The following DGKI variants were observed in gnomAD, a reference collection of about 807,000 sequenced individuals.
DGKI encodes DAG kinase iota.
A neutral mutation model predicts 147.5 loss-of-function variants in DGKI; 55 were observed. That is an observed-to-expected ratio of 0.37 (90% CI 0.30 to 0.47). The LOEUF (loss-of-function observed/expected upper bound fraction) is 0.47, where lower values mean the gene tolerates loss of function less well. DGKI is among the 20% of genes least tolerant of loss of function. The pLI, the probability that DGKI is intolerant of heterozygous loss-of-function variation, is 1.00. For synonymous variants in DGKI, 469 were observed against 477.1 expected, an observed-to-expected ratio of 0.98 and a Z score of 0.22; for missense variants, 1,007 against 1,323.8, an observed-to-expected ratio of 0.76 and a Z score of 3.71.
chr7:137,654,662 ATATC>A, intron 5 of DGKI, 66 bp downstream of exon 5: 1 of 1,113,974 alleles, frequency 9.0e-7, no homozygotes. Context: ...TCCCTGGTGA[ATATC>A]TATGAATCCA....
At chr7:137,639,827 T>A (rs889196391) in intron 6 of DGKI, among the ~76,000 whole-genome samples, 3 of 152,118 alleles carry the variant, frequency 2.0e-5, no homozygotes, top group Non-Finnish European at 4.4e-5. Context: ...GCCCCCATCC[T>A]CTTTTCTTTT....
At chr7:137,658,054 G>A (rs990242173) in intron 3 of DGKI, among the ~76,000 whole-genome samples, 1 of 152,090 alleles carries the variant, frequency 6.6e-6, no homozygotes, top group Admixed American at 6.5e-5. Context: ...GAAGAACATG[G>A]TGTAGCACAT....
chr7:137,650,400 A>G (rs1413077982), intron 5 of DGKI, among the ~76,000 whole-genome samples: 1 of 152,204 alleles, frequency 6.6e-6, no homozygotes, highest in East Asian at 1.9e-4. Flanking sequence ...AAAGAACAAG[A>G]CACTTTGATA....
chr7:137,697,183 C>T (rs145621757), intron 1 of DGKI, among the ~76,000 whole-genome samples: 1 of 152,200 alleles, frequency 6.6e-6, no homozygotes, highest in Admixed American at 6.5e-5. Context: ...AGCAAATACA[C>T]ATACTTCAAA....
intron 6 of DGKI, among the ~76,000 whole-genome samples, chr7:137,638,523 TATACAC>T (rs368089040): frequency 2.6e-5 from 3 of 114,140 alleles, no homozygotes; most frequent in African/African-American, 3.6e-5. Context: ...TGTGTATATA[TATACAC>T]ACACATATAT....
intron 7 of DGKI, among the ~76,000 whole-genome samples, chr7:137,621,578 C>A (rs1362735160): frequency 6.6e-6 from 1 of 152,180 alleles, no homozygotes; most frequent in African/African-American, 2.4e-5. Flanking sequence ...ATATCAACCG[C>A]TGTAATTTGT....
intron 1 of DGKI, among the ~76,000 whole-genome samples, chr7:137,720,684 G>T (rs1031250000): frequency 6.6e-6 from 1 of 152,004 alleles, no homozygotes; most frequent in Admixed American, 6.5e-5. Context: ...TATTATTATG[G>T]CTTAAATTTT....
intron 1 of DGKI, among the ~76,000 whole-genome samples, chr7:137,696,482 G>T (rs1239390971): frequency 8.6e-6 from 1 of 116,366 alleles, no homozygotes; most frequent in African/African-American, 3.5e-5. Flanking sequence ...TGTAAAAATG[G>T]CCTGGCAGCT....
rs1206273912 is a variant in DGKI, at chr7:137,388,935, C to A, written c.*2285G>T. On this transcript the variant is annotated 3_prime_UTR_variant, in exon 33 of 33. Coordinates refer to ENST00000614521, the MANE Select transcript of DGKI (RefSeq NM_001321708.2). ...AGAAATTGGCCCATAGCCACCTGTA[C>A]CCTAAATTTTCTCTGGGCTACTTGG... 1 of 151,866 alleles carries A rather than the reference C, an allele frequency of 6.6e-6. No homozygotes were observed. Among genetic ancestry groups the A allele is most frequent in the Non-Finnish European group, 1.5e-5 (1 of 67,982 alleles). 9.4% of individuals were successfully genotyped at this position (151,866 alleles called of 1,614,324 possible).
At chr7:137,416,758 C>A (rs887098039) in intron 28 of DGKI, among the ~76,000 whole-genome samples, 1 of 152,158 alleles carries the variant, frequency 6.6e-6, no homozygotes. Flanking sequence ...TACCCCATAT[C>A]GCTCCCAAGC....
chr7:137,665,514 T>C lies in DGKI; in HGVS notation c.607-8974A>G, dbSNP rs77115803. On this transcript the variant is annotated intron_variant, in intron 3 of 32. Coordinates refer to ENST00000614521, the MANE Select transcript of DGKI (RefSeq NM_001321708.2). ...TGCCTCTCGAGTACCGCAGGAAAAC[T>C]CACTTGATGCTCTTCGAACAGCGTG... Among the ~76,000 whole-genome samples, 32 of 152,270 alleles carry C rather than the reference T, an allele frequency of 2.1e-4. No individual in the cohort carries two copies. In the South Asian group the frequency reaches 6.0e-3, roughly 29 times the overall value.
chr7:137,835,738 C>T (rs1226217017), intron 1 of DGKI, among the ~76,000 whole-genome samples: 2 of 152,202 alleles, frequency 1.3e-5, no homozygotes, highest in East Asian at 1.9e-4. Flanking sequence ...GTGATTCCAA[C>T]TTTGTCCATT....
intron 1 of DGKI, among the ~76,000 whole-genome samples, chr7:137,827,520 T>A (rs1322239699): frequency 1.3e-5 from 2 of 152,170 alleles, no homozygotes; most frequent in Non-Finnish European, 2.9e-5. Context: ...TGTGTCCCCA[T>A]CTCCTCCTAT....
At chr7:137,486,765 C>T (rs1047518146) in intron 22 of DGKI, among the ~76,000 whole-genome samples, 2 of 152,058 alleles carry the variant, frequency 1.3e-5, no homozygotes, top group Non-Finnish European at 2.9e-5. Flanking sequence ...CAGTATGTGT[C>T]TACTTTATTT....
intron 2 of DGKI, among the ~76,000 whole-genome samples, chr7:137,689,603 C>T (rs921321387): frequency 6.6e-6 from 1 of 152,214 alleles, no homozygotes; most frequent in Non-Finnish European, 1.5e-5. Context: ...GTCAACTTGG[C>T]AGAAACCAAT....
intron 1 of DGKI, among the ~76,000 whole-genome samples, chr7:137,752,320 G>A (rs1033483864): frequency 6.6e-6 from 1 of 151,992 alleles, no homozygotes; most frequent in Non-Finnish European, 1.5e-5. Flanking sequence ...AGGGGGTCCT[G>A]GTTCACAAAC....
chr7:137,808,152 GA>G (rs1797440239), intron 1 of DGKI, among the ~76,000 whole-genome samples: 1 of 152,130 alleles, frequency 6.6e-6, no homozygotes, highest in Non-Finnish European at 1.5e-5. Context: ...CAACGTAGTA[GA>G]TAATCTCCAC....
At chr7:137,739,662 A>G (rs1208842569) in intron 1 of DGKI, among the ~76,000 whole-genome samples, 1 of 152,170 alleles carries the variant, frequency 6.6e-6, no homozygotes, top group Admixed American at 6.5e-5. Context: ...AGAATGGCCA[A>G]TGACAGAGTA....
intron 1 of DGKI, among the ~76,000 whole-genome samples, chr7:137,724,108 AAG>A (rs1794651688): frequency 1.3e-5 from 2 of 152,168 alleles, no homozygotes; most frequent in Admixed American, 1.3e-4. Context: ...TATTTGGTAG[AAG>A]AACATTCCAG....
Sources: allele counts gnomAD v4.1 joint callset (sites outside exome capture counted in the v4.1 genomes callset), GRCh38; gene constraint gnomAD v4.1.1; transcripts MANE v1.5; gene names NCBI Gene and HGNC (gene_info 2026-07-23, HGNC 2026-07-21).